Variants in SUGCT observed in about 807,000 individuals in gnomAD.
The protein encoded by SUGCT is succinyl-CoA:glutarate-CoA transferase.
Under a neutral mutation model 55.0 loss-of-function variants are expected in SUGCT, and 41 were observed. The observed-to-expected ratio is 0.74, with a 90% CI of 0.58 to 0.97. The LOEUF (loss-of-function observed/expected upper bound fraction) is 0.97, where lower values mean the gene tolerates loss of function less well. Among genes scored for constraint, SUGCT ranks in the 50% least tolerant of loss-of-function variants. The pLI is 0.00. For synonymous variants in SUGCT, 187 were observed against 200.4 expected (o/e 0.93, Z 0.56); for missense variants, 568 against 547.8 (o/e 1.04, Z -0.37).
At chr7:40,747,910 G>A (rs988686726) in intron 12 of SUGCT, among the ~76,000 whole-genome samples, 2 of 152,064 alleles carry the variant, frequency 1.3e-5, no homozygotes, top group African/African-American at 4.8e-5. Context: ...ACCACCTTTA[G>A]TTGGAGGGCA....
At chr7:40,743,849 C>G (rs1056441071) in intron 12 of SUGCT, among the ~76,000 whole-genome samples, 42 of 152,108 alleles carry the variant, frequency 2.8e-4, no homozygotes, top group East Asian at 1.2e-3. Context: ...GCACTTCGTC[C>G]CTTAGAAAGA....
intron 12 of SUGCT, among the ~76,000 whole-genome samples, chr7:40,700,889 G>C (rs1785145402): frequency 6.6e-6 from 1 of 152,178 alleles, no homozygotes; most frequent in Non-Finnish European, 1.5e-5. Flanking sequence ...ACTGAGGAGA[G>C]AAGAGCCACC....
intron 1 of SUGCT, among the ~76,000 whole-genome samples, chr7:40,171,468 C>T (rs1784669481): frequency 6.6e-6 from 1 of 152,142 alleles, no homozygotes; most frequent in African/African-American, 2.4e-5. Flanking sequence ...CTGGTTGGAC[C>T]TTTGTATGGT....
intron 12 of SUGCT, among the ~76,000 whole-genome samples, chr7:40,676,247 A>T (rs920562199): frequency 6.6e-6 from 1 of 152,192 alleles, no homozygotes; most frequent in African/African-American, 2.4e-5. Flanking sequence ...AAAATAGCAT[A>T]TAGAGTATGC....
rs898591831 is a variant in SUGCT, at chr7:40,836,596, G to A, written c.1154-23720G>A. ...ATCCCTCATTCTGCCCTTTTAGAGG[G>A]ACCACCACTTCCCTCTCTCCCTCCT... On this transcript the variant is annotated intron_variant, in intron 13 of 13. Transcript: ENST00000335693. Among the ~76,000 whole-genome samples, 12 of 152,240 alleles carry A rather than the reference G, an allele frequency of 7.9e-5. No homozygotes were observed. In the South Asian group the frequency reaches 1.0e-3, roughly 13 times the overall value.
At position 40,669,154 on chromosome 7, in the gene SUGCT, C is replaced by A. The variant is rs866163264; in HGVS notation, c.1090-80280C>A. 3.9e-5 allele frequency among the ~76,000 whole-genome samples: 6 copies of A among 152,166 alleles called. No individual in the cohort carries two copies. The South Asian group carries it at 1.0e-3, about 26-fold the overall frequency. ...CTACTGGGAAGCCAGAACTCCCACTCCTACCTAGTGATGAGTGGTTTCCTC... is the reference window on the plus strand; with the variant it reads ...CTACTGGGAAGCCAGAACTCCCACTACTACCTAGTGATGAGTGGTTTCCTC... On this transcript the variant is annotated intron_variant, in intron 12 of 13. Transcript: ENST00000335693.
rs1164561884 is a variant in SUGCT at position 40,274,535 on chromosome 7, G to C, written c.599G>C (p.Gly200Ala). 1 of 1,613,332 alleles carries C rather than the reference G, an allele frequency of 6.2e-7. No individual in the cohort carries two copies. Among genetic ancestry groups the C allele is most frequent in the Non-Finnish European group, 8.5e-7 (1 of 1,179,630 alleles). ...GPENGDPVRP[G>A]VAMTDLATGL... ...CAGAATGGAGATCCAGTTCGCCCAG[G>C]AGTAGCTATGACTGATCTTGCCACT... The change falls in exon 8 of 14, where the codon GGA becomes GCA. Residue 200 changes from glycine (G) to alanine (A), a missense_variant. Physicochemically the swap from Gly to Ala is moderately conservative, Grantham distance 60. Transcript: ENST00000335693.
chr7:40,992,054 G>A, the SUGCT span, among the ~76,000 whole-genome samples: 4 of 152,106 alleles, frequency 2.6e-5, no homozygotes, highest in African/African-American at 9.7e-5. Flanking sequence ...AGCAAGTAAA[G>A]GAATAAAGAA....
chr7:41,031,657 T>C, the SUGCT span, among the ~76,000 whole-genome samples: 2 of 152,156 alleles, frequency 1.3e-5, no homozygotes, highest in Admixed American at 1.3e-4. Context: ...ATTCTGAACT[T>C]TCAAAATTTC....
At chr7:40,367,610 A>G (rs1029531921) in intron 9 of SUGCT, among the ~76,000 whole-genome samples, 4 of 152,266 alleles carry the variant, frequency 2.6e-5, no homozygotes, top group Middle Eastern at 3.4e-3. Flanking sequence ...ACCACTTGCC[A>G]GAAATAGTAG....
intron 9 of SUGCT, among the ~76,000 whole-genome samples, chr7:40,369,238 A>T (rs1784163979): frequency 6.6e-6 from 1 of 152,160 alleles, no homozygotes; most frequent in African/African-American, 2.4e-5. Flanking sequence ...CAACACATTT[A>T]GCAAAATTCT....
At chr7:40,171,948 A>G (rs1179694335) in intron 1 of SUGCT, among the ~76,000 whole-genome samples, 1 of 152,074 alleles carries the variant, frequency 6.6e-6, no homozygotes, top group Non-Finnish European at 1.5e-5. Context: ...TTTTTTCTTT[A>G]ACTACTTGTG....
At chr7:40,900,969 G>C in the SUGCT span, among the ~76,000 whole-genome samples, 1 of 152,216 alleles carries the variant, frequency 6.6e-6, no homozygotes, top group Non-Finnish European at 1.5e-5. Context: ...TTGACACTTA[G>C]AGCTTAAAAG....
rs542582308 is a variant in SUGCT at position 40,448,368 on chromosome 7, G to A, written c.817-919G>A. ...GCTTTTTGCCCTACAGGGAAAAAAT[G>A]AAAATAAAACAAAAAAATTCTTAAT... On this transcript the variant is annotated intron_variant, in intron 9 of 13. Coordinates refer to ENST00000335693, the MANE Select transcript of SUGCT (RefSeq NM_001193313.2). Among the ~76,000 whole-genome samples the A allele has an allele frequency of 2.0e-3, 309 of 151,968 alleles. 1 individual carries two copies. The highest frequency in any genetic ancestry group is 6.8e-3 in the African/African-American group (280 of 41,440).
chr7:40,602,034 A>G (rs1413230870), intron 12 of SUGCT, among the ~76,000 whole-genome samples: 1 of 152,210 alleles, frequency 6.6e-6, no homozygotes, highest in African/African-American at 2.4e-5. Context: ...AGACCTCTTC[A>G]TATAACAATA....
intron 13 of SUGCT, among the ~76,000 whole-genome samples, chr7:40,814,440 A>G (rs1352290003): frequency 1.3e-5 from 2 of 152,016 alleles, no homozygotes; most frequent in Non-Finnish European, 2.9e-5. Flanking sequence ...TTAGTTTGAA[A>G]GACCAGTCTT....
intron 7 of SUGCT, among the ~76,000 whole-genome samples, chr7:40,266,122 TACTTTTTA>T (rs1344214994): frequency 6.6e-6 from 1 of 152,030 alleles, no homozygotes; most frequent in Non-Finnish European, 1.5e-5. Flanking sequence ...TTTCAGGTTT[TACTTTTTA>T]ACTTTTTAAT....
At position 40,821,384 on chromosome 7, in the gene SUGCT, C is replaced by T. The variant is rs572720697; in HGVS notation, c.1154-38932C>T. 2.0e-3 allele frequency among the ~76,000 whole-genome samples: 306 copies of T among 152,224 alleles called. 4 individuals carry two copies. Among genetic ancestry groups the T allele is most frequent in the Non-Finnish European group, 2.1e-3 (140 of 68,002 alleles). ...CTCTGGTAGAATTCAGCTGTGAATC[C>T]GTCTGGTCCTGGACTTTTTTTGGTT... is the stretch of plus-strand genomic sequence containing the variant. On this transcript the variant is annotated intron_variant, in intron 13 of 13. Coordinates refer to ENST00000335693, the MANE Select transcript of SUGCT (RefSeq NM_001193313.2).
chr7:40,922,047 G>T, the SUGCT span, among the ~76,000 whole-genome samples: 1 of 151,928 alleles, frequency 6.6e-6, no homozygotes, highest in Non-Finnish European at 1.5e-5. Flanking sequence ...GTGTTAGAAA[G>T]GAAAAAAATG....
Sources: allele counts gnomAD v4.1 joint callset (sites outside exome capture counted in the v4.1 genomes callset), GRCh38; gene constraint gnomAD v4.1.1; transcripts MANE v1.5; gene names NCBI Gene and HGNC (gene_info 2026-07-23, HGNC 2026-07-21).